MGAT4C: variants seen among roughly 807,000 people sequenced by gnomAD.
MGAT4C encodes alpha-1,3-mannosyl-glycoprotein 4-beta-N-acetylglucosaminyltransferase C.
In MGAT4C, 19 loss-of-function variants were observed where a neutral mutation model predicts 40.1. The observed-to-expected ratio is 0.47, with a 90% CI of 0.33 to 0.70. The LOEUF (loss-of-function observed/expected upper bound fraction) is 0.70. Ranked by LOEUF, MGAT4C falls within the 30% of genes least tolerant of loss-of-function variation. The pLI is 0.02. For synonymous variants in MGAT4C, 181 were observed against 187.1 expected (o/e 0.97, Z 0.27); for missense variants, 491 against 563.2 (o/e 0.87, Z 1.30).
chr12:86,730,742 G>A (rs1050314794), intron 1 of MGAT4C, among the ~76,000 whole-genome samples: 5 of 152,058 alleles, frequency 3.3e-5, no homozygotes, highest in African/African-American at 9.7e-5. Context: ...TGCACATGAC[G>A]TGGGTTAAAG....
At chr12:86,517,407 CA>C (rs746809315) in intron 2 of MGAT4C, among the ~76,000 whole-genome samples, 93 of 150,572 alleles carry the variant, frequency 6.2e-4, no homozygotes, top group African/African-American at 1.8e-3. Flanking sequence ...GAAAAAAATA[CA>C]AAAAAAAATA....
At position 86,763,726 on chromosome 12, in the gene MGAT4C, G is replaced by A. The variant is rs542596226; in HGVS notation, c.-261-36485C>T. On this transcript the variant is annotated intron_variant, in intron 1 of 7. Coordinates refer to the MGAT4C transcript ENST00000548651. ...TGAACTCAATAACACACACACAAAT[G>A]TGTGTGTGTTGTATATGGTATAACT... 1.7e-4 allele frequency among the ~76,000 whole-genome samples: 26 copies of A among 152,104 alleles called. 1 individual carries two copies. In the South Asian group the frequency reaches 3.3e-3, roughly 19 times the overall value.
At chr12:86,045,223 T>C (rs149945547) in intron 2 of MGAT4C, among the ~76,000 whole-genome samples, 5 of 152,282 alleles carry the variant, frequency 3.3e-5, no homozygotes, top group South Asian at 2.1e-4. Context: ...CAACCTTCTT[T>C]TGTTTTTAAA....
At chr12:86,185,515 T>A (rs1005658158) in intron 1 of MGAT4C, among the ~76,000 whole-genome samples, 36 of 152,118 alleles carry the variant, frequency 2.4e-4, no homozygotes, top group African/African-American at 6.5e-4. Context: ...CATAAGCATA[T>A]GTTCTTTAAA....
At chr12:86,527,924 G>A (rs948035550) in intron 2 of MGAT4C, among the ~76,000 whole-genome samples, 8 of 152,130 alleles carry the variant, frequency 5.3e-5, no homozygotes, top group African/African-American at 1.9e-4. Flanking sequence ...AAGGCTGAAA[G>A]TGAGGCAGGT....
intron 2 of MGAT4C, among the ~76,000 whole-genome samples, chr12:86,698,363 G>C (rs1168966921): frequency 6.6e-6 from 1 of 151,912 alleles, no homozygotes; most frequent in African/African-American, 2.4e-5. Flanking sequence ...ATGTGTGTTT[G>C]TGTGTGTGTC....
At chr12:86,380,188 A>G (rs1955902518) in intron 3 of MGAT4C, among the ~76,000 whole-genome samples, 1 of 152,152 alleles carries the variant, frequency 6.6e-6, no homozygotes, top group Non-Finnish European at 1.5e-5. Flanking sequence ...ACATCACAAT[A>G]CACATTCTTT....
intron 2 of MGAT4C, among the ~76,000 whole-genome samples, chr12:86,011,209 C>T (rs1229588991): frequency 6.6e-6 from 1 of 151,882 alleles, no homozygotes; most frequent in East Asian, 1.9e-4. Context: ...TTTTCACAGC[C>T]CAATATAGAT....
chr12:85,992,179 G>A (rs1487707177), intron 2 of MGAT4C, among the ~76,000 whole-genome samples: 1 of 152,224 alleles, frequency 6.6e-6, no homozygotes, highest in Non-Finnish European at 1.5e-5. Context: ...ACATTTGTCA[G>A]TCAGTTAAAA....
At chr12:86,772,952 T>A (rs1247461812) in intron 1 of MGAT4C, among the ~76,000 whole-genome samples, 4 of 152,098 alleles carry the variant, frequency 2.6e-5, no homozygotes, top group African/African-American at 9.7e-5. Context: ...TTAGAGTTGA[T>A]TCTGGAATGA....
intron 2 of MGAT4C, among the ~76,000 whole-genome samples, chr12:86,511,065 T>A (rs1207094246): frequency 6.6e-6 from 1 of 152,068 alleles, no homozygotes; most frequent in African/African-American, 2.4e-5. Flanking sequence ...ACCACACCTA[T>A]TCCACAATTG....
At chr12:86,709,592 AT>A (rs1270530416) in intron 2 of MGAT4C, among the ~76,000 whole-genome samples, 1 of 152,052 alleles carries the variant, frequency 6.6e-6, no homozygotes, top group African/African-American at 2.4e-5. Flanking sequence ...GTATGTATGT[AT>A]GTATGTATGT....
upstream of MGAT4C, among the ~76,000 whole-genome samples, chr12:86,258,778 T>TA (rs1472740114): frequency 2.0e-5 from 3 of 152,052 alleles, no homozygotes; most frequent in African/African-American, 4.8e-5. Flanking sequence ...CATATGAAAA[T>TA]AATTTCATAT....
intron 2 of MGAT4C, among the ~76,000 whole-genome samples, chr12:86,634,896 A>C (rs989627600): frequency 4.6e-5 from 7 of 152,162 alleles, no homozygotes; most frequent in Non-Finnish European, 8.8e-5. Context: ...GAGATTATGT[A>C]AACATGTGAC....
At chr12:86,012,307 T>G (rs1267852345) in intron 2 of MGAT4C, among the ~76,000 whole-genome samples, 1 of 152,224 alleles carries the variant, frequency 6.6e-6, no homozygotes, top group Non-Finnish European at 1.5e-5. Flanking sequence ...CCAAGGCTAT[T>G]GATTACAGAA....
At chr12:86,028,597 A>C (rs1348938316) in intron 2 of MGAT4C, among the ~76,000 whole-genome samples, 1 of 152,086 alleles carries the variant, frequency 6.6e-6, no homozygotes, top group Non-Finnish European at 1.5e-5. Context: ...TTAATTGATA[A>C]ATTTACCATT....
At chr12:86,250,706 A>G (rs922439956) in intron 1 of MGAT4C, among the ~76,000 whole-genome samples, 3 of 152,136 alleles carry the variant, frequency 2.0e-5, no homozygotes, top group Non-Finnish European at 4.4e-5. Flanking sequence ...ATCCCATATT[A>G]TATCATTTTA....
At chr12:86,145,146 C>A (rs2135749701) in intron 1 of MGAT4C, among the ~76,000 whole-genome samples, 1 of 152,252 alleles carries the variant, frequency 6.6e-6, no homozygotes, top group South Asian at 2.1e-4. Context: ...AGAAATAGAT[C>A]TCTAAAACTT....
intron 1 of MGAT4C, among the ~76,000 whole-genome samples, chr12:86,168,216 A>G (rs1339854462): frequency 1.3e-5 from 2 of 152,172 alleles, no homozygotes; most frequent in Non-Finnish European, 2.9e-5. Flanking sequence ...TCATGTGCGC[A>G]TATAGCACAA....
Sources: allele counts gnomAD v4.1 joint callset (sites outside exome capture counted in the v4.1 genomes callset), GRCh38; gene constraint gnomAD v4.1.1; transcripts MANE v1.5; gene names NCBI Gene and HGNC (gene_info 2026-07-23, HGNC 2026-07-21).